Variants in PRKACB observed in about 807,000 individuals in gnomAD.
The protein encoded by PRKACB is protein kinase cAMP-activated catalytic subunit beta, also known as cAMP-dependent protein kinase catalytic subunit beta.
Under a neutral mutation model 51.4 loss-of-function variants are expected in PRKACB, and 16 were observed. The ratio of observed to expected loss-of-function variants is 0.31; its 90% CI spans 0.21 to 0.47. PRKACB has a LOEUF of 0.47. Ranked by LOEUF, PRKACB falls within the 20% of genes least tolerant of loss-of-function variation. The pLI is 1.00. For synonymous variants in PRKACB, 147 were observed against 154.4 expected (o/e 0.95, Z 0.35); for missense variants, 309 against 464.5 (o/e 0.67, Z 3.08).
intron 9 of PRKACB, among the ~76,000 whole-genome samples, chr1:84,219,592 T>C (rs1465170551): frequency 6.6e-6 from 1 of 151,548 alleles, no homozygotes; most frequent in Non-Finnish European, 1.5e-5. Flanking sequence ...GGGGCCTTAT[T>C]TTTAAGTACT....
intron 1 of PRKACB, among the ~76,000 whole-genome samples, chr1:84,110,092 A>G (rs1283936491): frequency 6.6e-6 from 1 of 151,848 alleles, no homozygotes; most frequent in Non-Finnish European, 1.5e-5. Flanking sequence ...GTCTATTCAG[A>G]TTTTCCCATA....
intron 1 of PRKACB, among the ~76,000 whole-genome samples, chr1:84,092,981 A>G (rs1648607723): frequency 6.6e-6 from 1 of 151,548 alleles, no homozygotes; most frequent in Non-Finnish European, 1.5e-5. Flanking sequence ...TAACATGGGT[A>G]CAGGATTTTC....
At chr1:84,160,400 G>C (rs1656032160) in intron 1 of PRKACB, among the ~76,000 whole-genome samples, 1 of 151,088 alleles carries the variant, frequency 6.6e-6, no homozygotes, top group Non-Finnish European at 1.5e-5. Flanking sequence ...TGATATCATA[G>C]TTTCATTACT....
intron 9 of PRKACB, among the ~76,000 whole-genome samples, chr1:84,223,591 G>C (rs1021112345): frequency 1.3e-5 from 2 of 151,846 alleles, no homozygotes; most frequent in African/African-American, 4.8e-5. Context: ...GGATGGTCTC[G>C]ATCTCCTGAC....
chr1:84,146,833 A>C (rs374145638), intron 1 of PRKACB, among the ~76,000 whole-genome samples: 97 of 152,150 alleles, frequency 6.4e-4, no homozygotes, highest in African/African-American at 2.2e-3. Flanking sequence ...AACAAAGGCC[A>C]CATAGTGGTC....
chr1:84,103,181 A>G (rs1051835846), intron 1 of PRKACB, among the ~76,000 whole-genome samples: 11 of 152,216 alleles, frequency 7.2e-5, no homozygotes, highest in African/African-American at 1.9e-4. Context: ...GAAGATGGCT[A>G]CAAATTCTTA....
chr1:84,137,962 C>T (rs1001453080), intron 1 of PRKACB, among the ~76,000 whole-genome samples: 17 of 152,086 alleles, frequency 1.1e-4, no homozygotes, highest in African/African-American at 2.2e-4. Context: ...AAATACTTAT[C>T]GATAAGGGAA....
intron 2 of PRKACB, among the ~76,000 whole-genome samples, chr1:84,180,378 A>G (rs1663002676): frequency 6.6e-6 from 1 of 150,908 alleles, no homozygotes; most frequent in Non-Finnish European, 1.5e-5. Flanking sequence ...TGAGGACACA[A>G]AGGCATAAGA....
At chr1:84,209,899 A>C (rs1456518172) in intron 8 of PRKACB, among the ~76,000 whole-genome samples, 1 of 152,214 alleles carries the variant, frequency 6.6e-6, no homozygotes, top group Non-Finnish European at 1.5e-5. Context: ...ATATTTGTTG[A>C]ATTTCAATTC....
chr1:84,167,940 T>C (rs1263645466), intron 1 of PRKACB, among the ~76,000 whole-genome samples: 1 of 151,592 alleles, frequency 6.6e-6, no homozygotes, highest in Admixed American at 6.6e-5. Context: ...GAAAAGAGCC[T>C]TCACTTTCTA....
chr1:84,198,240 G>A (rs1046288544), intron 7 of PRKACB, among the ~76,000 whole-genome samples: 3 of 152,114 alleles, frequency 2.0e-5, no homozygotes, highest in African/African-American at 7.2e-5. Flanking sequence ...TGTATGAGAA[G>A]TGTTTTTAAA....
Position 84,235,475 on chromosome 1 carries a change from T to A in PRKACB, c.*170T>A. On this transcript the variant is annotated 3_prime_UTR_variant, in exon 10 of 10. Transcript: ENST00000370685. ...TGTGCGCACTCTGCATCCACCTATG[T>A]AACAAGGCACCGCTAAGCAAGCATT... 1 of 780,690 alleles carries A rather than the reference T, an allele frequency of 1.3e-6. No individual in the cohort carries two copies. Among genetic ancestry groups the A allele is most frequent in the Non-Finnish European group, 2.0e-6 (1 of 498,328 alleles). The allele number at this position is 780,690 out of a possible 1,614,324, so 48.4% of individuals were successfully genotyped here.
intron 5 of PRKACB, among the ~76,000 whole-genome samples, chr1:84,194,978 C>T (rs762092845): frequency 6.6e-6 from 1 of 152,008 alleles, no homozygotes; most frequent in Non-Finnish European, 1.5e-5. Flanking sequence ...AATTAAACAC[C>T]AGCATATGGA....
At chr1:84,103,852 A>G (rs1397939915) in intron 1 of PRKACB, among the ~76,000 whole-genome samples, 1 of 152,240 alleles carries the variant, frequency 6.6e-6, no homozygotes, top group East Asian at 1.9e-4. Context: ...TAGTTGACAC[A>G]TAATAATTGT....
intron 9 of PRKACB, among the ~76,000 whole-genome samples, chr1:84,215,135 A>G (rs1001117815): frequency 7.2e-5 from 11 of 152,252 alleles, no homozygotes; most frequent in Non-Finnish European, 1.5e-4. Context: ...TAATTTGAAC[A>G]TAATTCATAC....
intron 5 of PRKACB, among the ~76,000 whole-genome samples, chr1:84,189,552 A>G (rs1666153389): frequency 6.6e-6 from 1 of 151,840 alleles, no homozygotes; most frequent in South Asian, 2.1e-4. Flanking sequence ...CAAGAAAGAG[A>G]AGGGGATGTA....
intron 1 of PRKACB, among the ~76,000 whole-genome samples, chr1:84,162,139 A>G (rs1001047616): frequency 2.0e-5 from 3 of 151,942 alleles, no homozygotes; most frequent in Non-Finnish European, 4.4e-5. Flanking sequence ...TTCTGGCCCT[A>G]CTTATTTCTA....
chr1:84,200,375 G>A lies in PRKACB; in HGVS notation c.784-2308G>A, dbSNP rs562943291. Among the ~76,000 whole-genome samples the A allele has an allele frequency of 2.0e-5, 3 of 152,222 alleles. No homozygotes were observed. The East Asian group carries it at 5.8e-4, about 29-fold the overall frequency. On this transcript the variant is annotated intron_variant, in intron 7 of 9. Coordinates refer to ENST00000370685, the MANE Select transcript of PRKACB (RefSeq NM_182948.4). ...TTTGTTTAAGTTCCTCATAGATGCT[G>A]GATATTAGACCTTTGGCAGATGCAT... is the stretch of plus-strand genomic sequence containing the variant.
intron 1 of PRKACB, among the ~76,000 whole-genome samples, chr1:84,111,437 T>C (rs1040686406): frequency 2.0e-5 from 3 of 152,116 alleles, no homozygotes; most frequent in African/African-American, 7.2e-5. Flanking sequence ...AAATTGTTCC[T>C]CTCTTTTCTG....
Sources: allele counts gnomAD v4.1 joint callset (sites outside exome capture counted in the v4.1 genomes callset), GRCh38; gene constraint gnomAD v4.1.1; transcripts MANE v1.5; gene names NCBI Gene and HGNC (gene_info 2026-07-23, HGNC 2026-07-21).